The following SYT16 variants were observed in gnomAD, a reference collection of about 807,000 sequenced individuals.
The protein encoded by SYT16 is synaptotagmin 16, also known as synaptotagmin-16.
In SYT16, 42 loss-of-function variants were observed where a neutral mutation model predicts 61.4. The observed-to-expected ratio is 0.68, with a 90% confidence interval of 0.53 to 0.89. The LOEUF is 0.89. Ranked by LOEUF, SYT16 falls within the 40% of genes least tolerant of loss-of-function variation. SYT16 has a pLI of 0.00. For synonymous variants in SYT16, 314 were observed against 302.3 expected (o/e 1.04, Z -0.40); for missense variants, 804 against 807.3 (o/e 1.00, Z 0.05).
At chr14:62,049,825 T>G (rs2055185956) in intron 3 of SYT16, among the ~76,000 whole-genome samples, 1 of 152,240 alleles carries the variant, frequency 6.6e-6, no homozygotes, top group Non-Finnish European at 1.5e-5. Context: ...CTTGTAGAGT[T>G]TCTGCCAAGA....
chr14:61,839,639 C>T (rs558413484), intron 1 of SYT16, among the ~76,000 whole-genome samples: 69 of 152,158 alleles, frequency 4.5e-4, no homozygotes, highest in Non-Finnish European at 7.8e-4. Flanking sequence ...GAGTGATGCA[C>T]GTTTTGGAAT....
At chr14:61,988,082 A>G (rs919796851) in intron 2 of SYT16, among the ~76,000 whole-genome samples, 1 of 152,068 alleles carries the variant, frequency 6.6e-6, no homozygotes, top group Non-Finnish European at 1.5e-5. Context: ...TGTGGATGTT[A>G]TTTGAGATTT....
chr14:61,995,122 T>C (rs1181262983), intron 2 of SYT16, among the ~76,000 whole-genome samples: 2 of 152,156 alleles, frequency 1.3e-5, no homozygotes, highest in East Asian at 1.9e-4. Flanking sequence ...GTATAAATAT[T>C]TAGCTCTGGG....
At chr14:61,830,097 G>A (rs1468435699) in intron 1 of SYT16, among the ~76,000 whole-genome samples, 1 of 152,082 alleles carries the variant, frequency 6.6e-6, no homozygotes, top group African/African-American at 2.4e-5. Flanking sequence ...TATATCTTGA[G>A]TATTTTTCTG....
chr14:62,089,453 C>G (rs2056999914), intron 7 of SYT16, among the ~76,000 whole-genome samples: 1 of 152,004 alleles, frequency 6.6e-6, no homozygotes, highest in Admixed American at 6.5e-5. Flanking sequence ...TTCTATGTAT[C>G]TATCTGTCTA....
intron 1 of SYT16, among the ~76,000 whole-genome samples, chr14:61,848,544 C>G (rs1390656739): frequency 4.6e-5 from 7 of 152,148 alleles, no homozygotes; most frequent in Admixed American, 4.6e-4. Flanking sequence ...CAACACTGGG[C>G]CTCATTCAAG....
chr14:62,024,431 G>T (rs868556505), intron 3 of SYT16, among the ~76,000 whole-genome samples: 4 of 152,142 alleles, frequency 2.6e-5, no homozygotes, highest in Middle Eastern at 3.4e-3. Flanking sequence ...TGATGTATGT[G>T]TATTATCCTT....
chr14:62,050,783 A>G (rs1269158733), intron 3 of SYT16, among the ~76,000 whole-genome samples: 4 of 152,040 alleles, frequency 2.6e-5, no homozygotes, highest in Admixed American at 6.5e-5. Context: ...GCTGCAGAAC[A>G]GCAGATGTTG....
At chr14:62,043,555 C>T (rs2054832176) in intron 3 of SYT16, among the ~76,000 whole-genome samples, 1 of 151,794 alleles carries the variant, frequency 6.6e-6, no homozygotes, top group Non-Finnish European at 1.5e-5. Flanking sequence ...CTACAGGCGC[C>T]CACCACCATG....
rs986702712 is a variant in SYT16, at chr14:62,109,980, A to G, written c.*9273A>G. On this transcript the variant is annotated 3_prime_UTR_variant, in exon 8 of 8. Transcript: ENST00000683842. Reference sequence around the variant, plus strand: ...TGCTAATGTATATGTTGCATGAACAAGTAGATGGGTGTTGGAAAGAAAACA... The same window carrying G: ...TGCTAATGTATATGTTGCATGAACAGGTAGATGGGTGTTGGAAAGAAAACA... 2 of 152,154 alleles carry G rather than the reference A, an allele frequency of 1.3e-5. No homozygotes were observed. Among genetic ancestry groups the G allele is most frequent in the East Asian group, 1.9e-4 (1 of 5,194 alleles). The allele number at this position is 152,154 out of a possible 1,614,324, so 9.4% of individuals were successfully genotyped here. A position where few individuals can be genotyped will look rare whatever the true frequency, so the allele number is the denominator to read the frequency against.
At chr14:62,047,865 G>C (rs1007759064) in intron 3 of SYT16, among the ~76,000 whole-genome samples, 1 of 152,172 alleles carries the variant, frequency 6.6e-6, no homozygotes, top group Non-Finnish European at 1.5e-5. Flanking sequence ...TGTACTACTG[G>C]ATTCGGTTTG....
chr14:61,910,075 G>T (rs937782319), intron 1 of SYT16, among the ~76,000 whole-genome samples: 13 of 152,252 alleles, frequency 8.5e-5, no homozygotes, highest in African/African-American at 1.2e-4. Context: ...CTCTAAATTT[G>T]ACAAGTATGC....
At chr14:62,096,955 G>A (rs1034772755) in intron 7 of SYT16, among the ~76,000 whole-genome samples, 1 of 151,902 alleles carries the variant, frequency 6.6e-6, no homozygotes, top group Admixed American at 6.6e-5. Flanking sequence ...AAGTTAAATG[G>A]CCAAATTCCT....
chr14:62,068,609 T>C (rs1291072975), intron 3 of SYT16, among the ~76,000 whole-genome samples: 1 of 152,228 alleles, frequency 6.6e-6, no homozygotes, highest in African/African-American at 2.4e-5. Flanking sequence ...GTGATAGATA[T>C]GTTAATTTGC....
intron 1 of SYT16, among the ~76,000 whole-genome samples, chr14:61,925,190 C>T (rs530255716): frequency 2.6e-5 from 4 of 152,152 alleles, no homozygotes; most frequent in Admixed American, 6.5e-5. Flanking sequence ...TAGATTCTGA[C>T]GGTAAGATGC....
intron 2 of SYT16, among the ~76,000 whole-genome samples, chr14:61,990,335 A>C (rs7156151): frequency 0.76 from 115,935 of 152,098 alleles, 44,365 homozygotes; most frequent in Admixed American, 0.82. Context: ...CAAGAAAGTT[A>C]ACTGAAAGCT....
At chr14:61,988,642 T>C (rs2052420254) in intron 2 of SYT16, among the ~76,000 whole-genome samples, 1 of 152,236 alleles carries the variant, frequency 6.6e-6, no homozygotes, top group African/African-American at 2.4e-5. Flanking sequence ...TAACCCTCAC[T>C]TGACTTAAGC....
chr14:61,839,379 G>A (rs923164072), intron 1 of SYT16, among the ~76,000 whole-genome samples: 17 of 152,166 alleles, frequency 1.1e-4, no homozygotes, highest in African/African-American at 4.1e-4. Context: ...CCAGAACTGT[G>A]AGAAATAAAT....
intron 2 of SYT16, among the ~76,000 whole-genome samples, chr14:61,991,384 A>G (rs1030747361): frequency 5.3e-5 from 8 of 149,680 alleles, no homozygotes; most frequent in African/African-American, 2.0e-4. Context: ...ACCAGAAGCT[A>G]CTTTGTCTTC....
Sources: gnomAD v4.1 joint callset for allele counts (sites outside exome capture counted in the v4.1 genomes callset) on GRCh38, gnomAD v4.1.1 for gene constraint, MANE v1.5 for transcripts, NCBI Gene and HGNC (gene_info 2026-07-23, HGNC 2026-07-21) for gene names.